Variants in HSD17B3 observed in about 807,000 individuals in gnomAD.
HSD17B3 encodes hydroxysteroid 17-beta dehydrogenase 3, also known as 17-beta-hydroxysteroid dehydrogenase type 3.
HSD17B3 carries 29 observed loss-of-function variants against 41.1 expected under a neutral mutation model. The observed-to-expected ratio is 0.71, with a 90% CI of 0.53 to 0.96. The LOEUF is 0.96. HSD17B3 is among the 40% of genes least tolerant of loss of function. The pLI, the probability that HSD17B3 is intolerant of heterozygous loss-of-function variation, is 0.00. For missense variants in HSD17B3, 323 were observed against 374.6 expected (o/e 0.86, Z 1.14); for synonymous variants, 126 against 145.6 (o/e 0.87, Z 0.97).
rs781518300 is a variant in HSD17B3, at chr9:96,301,996, T to C, written c.109A>G (p.Lys37Glu). The C allele has an allele frequency of 2.8e-5, 45 of 1,614,148 alleles. No homozygotes were observed. The South Asian group carries it at 4.2e-4, about 15-fold the overall frequency. ...FSRCVLLNYW[K>E]VLPKSFLRSM... ...CGCAAGAAAGACTTTGGCAAAACTT[T>C]CCAGTAGTTCAGTAAAACACATCTG... The change falls in exon 1 of 11, where the codon AAA becomes GAA. Residue 37 changes from lysine to glutamate, a missense_variant. Physicochemically the swap from Lys to Glu is moderately conservative, Grantham distance 56 (BLOSUM62 1). Transcript: ENST00000375263.
intron 10 of HSD17B3, among the ~76,000 whole-genome samples, chr9:96,236,142 A>C (rs1346718039): frequency 6.6e-6 from 1 of 151,676 alleles, no homozygotes; most frequent in African/African-American, 2.4e-5. Flanking sequence ...CTCTGTGTTA[A>C]CCACCTCCCT....
intron 1 of HSD17B3, among the ~76,000 whole-genome samples, chr9:96,300,607 TTG>T (rs10545828): frequency 0.37 from 40,131 of 109,516 alleles, 9,255 homozygotes; most frequent in Middle Eastern, 0.5. Context: ...ATTGGATTCT[TTG>T]TGTGTGTGTG....
chr9:96,284,721 C>G (rs1826840081), intron 2 of HSD17B3, among the ~76,000 whole-genome samples: 1 of 152,110 alleles, frequency 6.6e-6, no homozygotes. Context: ...TCTTGGGACC[C>G]CCAAGAGGGG....
At chr9:96,238,863 T>C (rs886157704) in intron 10 of HSD17B3, among the ~76,000 whole-genome samples, 24 of 152,160 alleles carry the variant, frequency 1.6e-4, no homozygotes, top group African/African-American at 4.8e-4. Flanking sequence ...GAAGGGGCCA[T>C]GGCCCCCACT....
chr9:96,237,094 C>T (rs1836265178), intron 10 of HSD17B3, among the ~76,000 whole-genome samples: 1 of 152,236 alleles, frequency 6.6e-6, no homozygotes, highest in Non-Finnish European at 1.5e-5. Context: ...TCCTCAAGAA[C>T]TTCATTTTTC....
intron 6 of HSD17B3, among the ~76,000 whole-genome samples, chr9:96,247,887 G>C (rs527717714): frequency 1.3e-5 from 2 of 152,242 alleles, no homozygotes; most frequent in South Asian, 4.2e-4. Context: ...ACTATCTCCA[G>C]ACGGCTTCTT....
In HSD17B3 at chr9:96,277,074, G is replaced by A. The variant is rs1453715639; in HGVS notation, c.201+21342C>T. On this transcript the variant is annotated intron_variant, in intron 2 of 10. Coordinates refer to ENST00000375263, the MANE Select transcript of HSD17B3 (RefSeq NM_000197.2). Reference sequence around the variant, plus strand: ...AAATTAGCTGGGCGTGGTGGCAGGCGCCTGTAGTCCCAGCTACGCAGGAGG... The same window carrying A: ...AAATTAGCTGGGCGTGGTGGCAGGCACCTGTAGTCCCAGCTACGCAGGAGG... Among the ~76,000 whole-genome samples, 7 of 151,960 alleles carry A rather than the reference G, an allele frequency of 4.6e-5. No individual in the cohort carries two copies. In the South Asian group the frequency reaches 6.2e-4, roughly 14 times the overall value.
At chr9:96,269,155 C>A (rs1826147024) in intron 2 of HSD17B3, among the ~76,000 whole-genome samples, 1 of 152,130 alleles carries the variant, frequency 6.6e-6, no homozygotes, top group Non-Finnish European at 1.5e-5. Context: ...ACCTGTATGA[C>A]ATGGGACTGT....
intron 2 of HSD17B3, among the ~76,000 whole-genome samples, chr9:96,267,529 C>T (rs917776538): frequency 2.0e-5 from 3 of 151,886 alleles, no homozygotes; most frequent in African/African-American, 4.8e-5. Context: ...GAAAAGAACA[C>T]GCTGCTCCAC....
intron 3 of HSD17B3, among the ~76,000 whole-genome samples, chr9:96,253,726 T>C (rs1171675385): frequency 6.6e-6 from 1 of 152,144 alleles, no homozygotes; most frequent in Non-Finnish European, 1.5e-5. Flanking sequence ...CAAGCAATCT[T>C]GAGGCATAGT....
intron 8 of HSD17B3, among the ~76,000 whole-genome samples, chr9:96,244,971 C>T (rs1587717418): frequency 6.6e-6 from 1 of 152,194 alleles, no homozygotes; most frequent in South Asian, 2.1e-4. Context: ...ATTAACCTCC[C>T]TTGTACAGCG....
intron 5 of HSD17B3, 93 bp downstream of exon 5, chr9:96,251,325 T>C (rs1825398012): frequency 9.6e-7 from 1 of 1,042,274 alleles, no homozygotes; most frequent in African/African-American, 1.6e-5. Flanking sequence ...GATGCATGCT[T>C]CCATCACGCC....
Position 96,251,632 on chromosome 9 carries a change from C to T in HSD17B3, c.386-147G>A, listed in dbSNP as rs1265173718. 4.4e-5 allele frequency: 32 copies of T among 732,562 alleles called. No individual in the cohort carries two copies. The Admixed American group carries it at 6.0e-4, about 14-fold the overall frequency. 45.4% of individuals were successfully genotyped at this position (732,562 alleles called of 1,614,324 possible). A position where few individuals can be genotyped will look rare whatever the true frequency, so the allele number is the denominator to read the frequency against. On this transcript the variant is annotated intron_variant, in intron 4 of 10. Transcript: ENST00000375263. ...AGGAAACTGGGGGGAAGTTTTTGTC[C>T]AGTAATAGGAGACACCTTCAATGAA...
chr9:96,240,129 C>T (rs1836378738), intron 10 of HSD17B3, among the ~76,000 whole-genome samples: 1 of 152,102 alleles, frequency 6.6e-6, no homozygotes, highest in African/African-American at 2.4e-5. Context: ...GCAAGCAGGG[C>T]TTAAAACCTA....
intron 2 of HSD17B3, among the ~76,000 whole-genome samples, chr9:96,289,334 T>C (rs1827058948): frequency 6.6e-6 from 1 of 152,022 alleles, no homozygotes; most frequent in African/African-American, 2.4e-5. Flanking sequence ...ATAATTGCTC[T>C]AAAAAATAAA....
intron 9 of HSD17B3, among the ~76,000 whole-genome samples, chr9:96,242,321 A>G (rs908815551): frequency 2.0e-5 from 3 of 152,242 alleles, no homozygotes; most frequent in Non-Finnish European, 4.4e-5. Flanking sequence ...AAACACCTGT[A>G]TGTACAAAAT....
At chr9:96,289,057 C>T (rs1827044036) in intron 2 of HSD17B3, among the ~76,000 whole-genome samples, 3 of 151,462 alleles carry the variant, frequency 2.0e-5, no homozygotes, top group Admixed American at 6.6e-5. Context: ...TGCAATGAGC[C>T]GTGATCCCAC....
chr9:96,296,192 G>A (rs1205907500), intron 2 of HSD17B3, among the ~76,000 whole-genome samples: 3 of 152,134 alleles, frequency 2.0e-5, no homozygotes, highest in Non-Finnish European at 2.9e-5. Flanking sequence ...AGGCTGCAGT[G>A]AGCTGTTTGC....
chr9:96,294,108 A>G (rs1827260160), intron 2 of HSD17B3, among the ~76,000 whole-genome samples: 1 of 152,188 alleles, frequency 6.6e-6, no homozygotes, highest in South Asian at 2.1e-4. Context: ...ATTGTTTAAC[A>G]CAGCCTCAGT....
Sources: gnomAD v4.1 joint callset for allele counts (sites outside exome capture counted in the v4.1 genomes callset) on GRCh38, gnomAD v4.1.1 for gene constraint, MANE v1.5 for transcripts, NCBI Gene and HGNC (gene_info 2026-07-23, HGNC 2026-07-21) for gene names.